Variants in ZNF730 observed in about 807,000 individuals in gnomAD.
The protein encoded by ZNF730 is zinc finger protein 730, also known as putative zinc finger protein 730.
In ZNF730, 12 loss-of-function variants were observed where a neutral mutation model predicts 12.6. That is an observed-to-expected ratio of 0.95 (90% CI 0.61 to 1.54). The LOEUF (loss-of-function observed/expected upper bound fraction) is 1.54. Among genes scored for constraint, ZNF730 ranks in the 40% most tolerant of loss-of-function variants. ZNF730 has a pLI of 0.00. For missense variants in ZNF730, 643 were observed against 583.5 expected (o/e 1.10, Z -1.05); for synonymous variants, 194 against 195.8 (o/e 0.99, Z 0.08).
intron 3 of ZNF730, among the ~76,000 whole-genome samples, chr19:23,141,389 C>T (rs1030148829): frequency 5.4e-5 from 8 of 147,510 alleles, no homozygotes; most frequent in East Asian, 2.0e-4. Context: ...AATGAGACTC[C>T]GTCTCAAAAA....
chr19:23,121,727 T>C (rs895902792), intron 1 of ZNF730, among the ~76,000 whole-genome samples: 2 of 152,182 alleles, frequency 1.3e-5, no homozygotes, highest in Non-Finnish European at 2.9e-5. Context: ...TTCAAGTGCA[T>C]ACCGTATGCC....
Position 23,121,948 on chromosome 19 carries a change from T to A in ZNF730, c.3+4772T>A, listed in dbSNP as rs965432065. Among the ~76,000 whole-genome samples the A allele has an allele frequency of 1.6e-4, 25 of 152,280 alleles. No homozygotes were observed. In the East Asian group the frequency reaches 4.8e-3, roughly 29 times the overall value. ...TTACACGTAGATAGTTTTCTCTGCT[T>A]TTTAGAAATATATGTAAATCATAGT... On this transcript the variant is annotated intron_variant, in intron 1 of 3. Transcript: ENST00000597761.
chr19:23,123,319 C>T (rs1192453125), intron 1 of ZNF730: 1 of 152,464 alleles, frequency 6.6e-6, no homozygotes, highest in Non-Finnish European at 1.5e-5. Context: ...CCTGTAATCC[C>T]AGCACTTTGG....
chr19:23,101,854 C>T (rs1463252178), intron 1 of ZNF730, among the ~76,000 whole-genome samples: 1 of 152,192 alleles, frequency 6.6e-6, no homozygotes, highest in Non-Finnish European at 1.5e-5. Context: ...AGGTATGAGC[C>T]ACCATGCCCG....
At chr19:23,134,565 T>A (rs1377886209) in intron 2 of ZNF730, among the ~76,000 whole-genome samples, 3 of 126,022 alleles carry the variant, frequency 2.4e-5, no homozygotes, top group Non-Finnish European at 3.3e-5. Context: ...TGAGGACCCC[T>A]CTGCCTGGCC....
chr19:23,112,981 A>G (rs1359542624), upstream of ZNF730, among the ~76,000 whole-genome samples: 1 of 152,164 alleles, frequency 6.6e-6, no homozygotes, highest in Non-Finnish European at 1.5e-5. Context: ...TGTATCCCCT[A>G]TCATAGGGCT....
chr19:23,122,216 C>T (rs1261544914), intron 1 of ZNF730, among the ~76,000 whole-genome samples: 1 of 127,268 alleles, frequency 7.9e-6, no homozygotes, highest in African/African-American at 3.0e-5. Flanking sequence ...ATCTTGGCTC[C>T]TTGCAACCTC....
At chr19:23,128,160 G>A in intron 1 of ZNF730, 1 of 874,216 alleles carries the variant, frequency 1.1e-6, no homozygotes, top group Non-Finnish European at 1.9e-6. Context: ...GTTCCCTGAA[G>A]AGAGCAGTAG....
chr19:23,098,051 G>A (rs1410616387), intron 1 of ZNF730, among the ~76,000 whole-genome samples: 1 of 152,052 alleles, frequency 6.6e-6, no homozygotes, highest in African/African-American at 2.4e-5. Flanking sequence ...GGCTGAGACA[G>A]GAGAATCACT....
In ZNF730 at chr19:23,108,824, A is replaced by G. The variant is rs572704155; in HGVS notation, c.-93-25256A>G. ...GAGCACGGTGGTGCGATCTTGGCTCACTGCAACCTCTGCCTCCCAGGTTCA... is the reference window on the plus strand; with the variant it reads ...GAGCACGGTGGTGCGATCTTGGCTCGCTGCAACCTCTGCCTCCCAGGTTCA... On this transcript the variant is annotated intron_variant, in intron 1 of 2. Transcript: ENST00000593635. Among the ~76,000 whole-genome samples, 3 of 151,696 alleles carry G rather than the reference A, an allele frequency of 2.0e-5. No individual in the cohort carries two copies. The South Asian group carries it at 6.3e-4, about 32-fold the overall frequency.
chr19:23,114,381 A>G (rs1599585905), upstream of ZNF730, among the ~76,000 whole-genome samples: 1 of 132,710 alleles, frequency 7.5e-6, no homozygotes, highest in African/African-American at 2.9e-5. Context: ...ATCTCGGCTC[A>G]CTGCAAGCTC....
At chr19:23,103,736 C>CA (rs1233274223) in intron 1 of ZNF730, among the ~76,000 whole-genome samples, 2 of 151,872 alleles carry the variant, frequency 1.3e-5, no homozygotes, top group African/African-American at 4.8e-5. Flanking sequence ...ATATATGTTC[C>CA]AAAATTGTTT....
rs1971023526 is a variant in ZNF730, at chr19:23,146,851, T to G, written c.*295T>G. On this transcript the variant is annotated 3_prime_UTR_variant, in exon 4 of 4. Transcript: ENST00000597761. ...AAAGCCTTTAACAAATCCTTAATTC[T>G]TAACAGACATGATTCATACCAGAGA... The G allele has an allele frequency of 2.7e-6, 2 of 750,842 alleles. No individual in the cohort carries two copies. 46.5% of individuals were successfully genotyped at this position (750,842 alleles called of 1,614,324 possible). A position where few individuals can be genotyped will look rare whatever the true frequency, so the allele number is the denominator to read the frequency against.
At chr19:23,106,371 A>C (rs1970392751) in intron 1 of ZNF730, among the ~76,000 whole-genome samples, 1 of 152,214 alleles carries the variant, frequency 6.6e-6, no homozygotes, top group South Asian at 2.1e-4. Flanking sequence ...ACAGAGAATA[A>C]ATTTTCCTCT....
At chr19:23,095,337 C>T in intron 1 of ZNF730, 1 of 398,614 alleles carries the variant, frequency 2.5e-6, no homozygotes, top group Non-Finnish European at 4.4e-6. Flanking sequence ...TCCATGTGGG[C>T]CATTGTGACA....
chr19:23,113,608 A>G (rs138837805), upstream of ZNF730, among the ~76,000 whole-genome samples: 1 of 152,340 alleles, frequency 6.6e-6, no homozygotes, highest in East Asian at 1.9e-4. Context: ...GTCCAAACAG[A>G]CAAAATCAAA....
chr19:23,102,324 G>C (rs776897778), intron 1 of ZNF730, among the ~76,000 whole-genome samples: 5 of 152,046 alleles, frequency 3.3e-5, no homozygotes, highest in Non-Finnish European at 7.4e-5. Flanking sequence ...GAGTATTCAG[G>C]TGATGTGACA....
chr19:23,120,518 T>C (rs1970586020), intron 1 of ZNF730, among the ~76,000 whole-genome samples: 1 of 152,152 alleles, frequency 6.6e-6, no homozygotes, highest in African/African-American at 2.4e-5. Context: ...TCAGTGGTAA[T>C]GTCGCTTTTG....
At chr19:23,114,300 C>CTTTTTTTTTTTTTTTTTTT (rs11413226), upstream of ZNF730, among the ~76,000 whole-genome samples, 9 of 119,536 alleles carry the variant, frequency 7.5e-5, 2 homozygotes, top group African/African-American at 2.4e-4. Flanking sequence ...TTTTCTTTTT[C>CTTTTTTTTTTTTTTTTTTT]TTTTCTTTTT....
Sources: allele counts gnomAD v4.1 joint callset (sites outside exome capture counted in the v4.1 genomes callset), GRCh38; gene constraint gnomAD v4.1.1; transcripts MANE v1.5; gene names NCBI Gene and HGNC (gene_info 2026-07-23, HGNC 2026-07-21).